The following LYPLA1 variants were observed in gnomAD, a reference collection of about 807,000 sequenced individuals.
The protein encoded by LYPLA1 is acyl-protein thioesterase 1.
LYPLA1 carries 17 observed loss-of-function variants against 34.0 expected under a neutral mutation model. That is an observed-to-expected ratio of 0.50 (90% CI 0.34 to 0.75). LYPLA1 has a LOEUF of 0.75. Ranked by LOEUF, LYPLA1 falls within the 30% of genes least tolerant of loss-of-function variation. The probability of loss-of-function intolerance (pLI) is 0.01; values close to 1 mark genes in which losing one functional copy is unlikely to be tolerated. For synonymous variants in LYPLA1, 98 were observed against 100.8 expected (o/e 0.97, Z 0.17); for missense variants, 203 against 288.8 (o/e 0.70, Z 2.15).
chr8:54,084,142 A>AAAAAATTTT (rs1491176522), intron 2 of LYPLA1, among the ~76,000 whole-genome samples: 24 of 93,850 alleles, frequency 2.6e-4, no homozygotes, highest in African/African-American at 3.3e-4. Flanking sequence ...AAATAAATAA[A>AAAAAATTTT]TATATATATA....
downstream of LYPLA1, among the ~76,000 whole-genome samples, chr8:54,045,865 A>G (rs1805462875): frequency 1.3e-5 from 2 of 152,228 alleles, no homozygotes; most frequent in African/African-American, 2.4e-5. Context: ...GTTGGAGACC[A>G]GCTTGGCCAA....
chr8:54,079,956 C>T (rs1444815054), intron 2 of LYPLA1, among the ~76,000 whole-genome samples: 2 of 152,024 alleles, frequency 1.3e-5, no homozygotes, highest in African/African-American at 4.8e-5. Context: ...CTAAGTATAT[C>T]GTTACTATAT....
At chr8:54,051,876 A>G (rs1351160685) in intron 7 of LYPLA1, among the ~76,000 whole-genome samples, 5 of 146,208 alleles carry the variant, frequency 3.4e-5, no homozygotes, top group African/African-American at 1.3e-4. Context: ...CCAAAGACAG[A>G]GTCTTGCTCT....
intron 6 of LYPLA1, chr8:54,053,679 T>G (rs1806004967): frequency 2.2e-6 from 1 of 456,150 alleles, no homozygotes; most frequent in African/African-American, 2.0e-5. Context: ...CTGTAACATG[T>G]AAATTCAAGA....
rs369924847 is a variant in LYPLA1, at chr8:54,086,592, G to A, written c.101+14316C>T. Among the ~76,000 whole-genome samples the A allele has an allele frequency of 8.1e-4, 113 of 139,690 alleles. 1 individual carries two copies. Among genetic ancestry groups the A allele is most frequent in the African/African-American group, 2.7e-3 (103 of 37,814 alleles). The allele number at this position is 139,690 out of a possible 152,430, so 91.6% of individuals were successfully genotyped here. A position where few individuals can be genotyped will look rare whatever the true frequency, so the allele number is the denominator to read the frequency against. ...AAAAAAAAAAAAGACAGCCAGGTGT[G>A]ATGGCTCACACTCGTAATCCAACAC... is the stretch of plus-strand genomic sequence containing the variant. On this transcript the variant is annotated intron_variant, in intron 2 of 8. Transcript: ENST00000316963.
In LYPLA1 at chr8:54,058,373, G is replaced by A. The variant is rs528144711; in HGVS notation, c.287-3240C>T. Among the ~76,000 whole-genome samples, 6 of 152,214 alleles carry A rather than the reference G, an allele frequency of 3.9e-5. No homozygotes were observed. The East Asian group carries it at 5.8e-4, about 15-fold the overall frequency. On this transcript the variant is annotated intron_variant, in intron 5 of 8. Coordinates refer to ENST00000316963, the MANE Select transcript of LYPLA1 (RefSeq NM_006330.4). ...AGCCTGGCCAACATGGTGAAACACC[G>A]TCTGTACTAAAAATACAAAACGTAG...
intron 2 of LYPLA1, among the ~76,000 whole-genome samples, chr8:54,084,996 TCCTCTTCCTCTC>T (rs1473210929): frequency 1.7e-5 from 2 of 119,914 alleles, no homozygotes; most frequent in African/African-American, 1.3e-4. Flanking sequence ...CTCCTCTCCC[TCCTCTTCCTCTC>T]CCTCTCCCTC....
rs1199051549 is a variant in LYPLA1, at chr8:54,091,588, G to A, written c.101+9320C>T. Among the ~76,000 whole-genome samples, 205 of 105,328 alleles carry A rather than the reference G, an allele frequency of 1.9e-3. 2 individuals carry two copies. Among genetic ancestry groups the A allele is most frequent in the South Asian group, 7.3e-3 (24 of 3,282 alleles). The allele number at this position is 105,328 out of a possible 152,430, so 69.1% of individuals were successfully genotyped here. ...GAAGGAAAGAAAGAAAGAAAAGGAA[G>A]GAAGGAAGGAAGGAAGGAAGGAAGG... On this transcript the variant is annotated intron_variant, in intron 2 of 8. Transcript: ENST00000316963.
At chr8:54,080,656 C>T (rs977586095) in intron 2 of LYPLA1, among the ~76,000 whole-genome samples, 4 of 152,114 alleles carry the variant, frequency 2.6e-5, no homozygotes, top group Admixed American at 1.3e-4. Flanking sequence ...GGGGTGATCT[C>T]GGTTCACTGC....
At chr8:54,046,303 T>G (rs1057473553), downstream of LYPLA1, 1 of 152,416 alleles carries the variant, frequency 6.6e-6, no homozygotes, top group African/African-American at 2.4e-5. Flanking sequence ...ATTGTTATTT[T>G]CCTCCATTGC....
chr8:54,073,316 G>T, intron 2 of LYPLA1: 1 of 865,592 alleles, frequency 1.2e-6, no homozygotes, highest in East Asian at 2.4e-5. Flanking sequence ...TTCTATGGAC[G>T]GAACTGTGAG....
intron 5 of LYPLA1, among the ~76,000 whole-genome samples, chr8:54,060,580 G>C (rs1010322561): frequency 6.6e-6 from 1 of 152,090 alleles, no homozygotes; most frequent in Non-Finnish European, 1.5e-5. Flanking sequence ...ACTTCACAGC[G>C]GTGTCAAATG....
At chr8:54,068,235 G>A (rs1807222159) in intron 2 of LYPLA1, among the ~76,000 whole-genome samples, 1 of 152,072 alleles carries the variant, frequency 6.6e-6, no homozygotes, top group South Asian at 2.1e-4. Flanking sequence ...CTATATAAAT[G>A]GAAGGATATC....
chr8:54,063,297 G>A (rs1294382928), intron 4 of LYPLA1, 31 bp downstream of exon 4: 2 of 1,314,888 alleles, frequency 1.5e-6, no homozygotes, highest in East Asian at 5.2e-5. Flanking sequence ...GTAATATAAT[G>A]TTCTTATTCA....
intron 2 of LYPLA1, among the ~76,000 whole-genome samples, chr8:54,083,210 G>A (rs1235704295): frequency 6.6e-6 from 1 of 152,118 alleles, no homozygotes; most frequent in Non-Finnish European, 1.5e-5. Context: ...AGATAAAGTA[G>A]GTTAAGACCA....
chr8:54,054,474 C>G (rs1297730643), intron 6 of LYPLA1: 2 of 151,996 alleles, frequency 1.3e-5, no homozygotes, highest in Non-Finnish European at 2.9e-5. Context: ...ATCCAAACAT[C>G]TCCCTAATTA....
intron 2 of LYPLA1, among the ~76,000 whole-genome samples, chr8:54,084,013 C>CTT (rs1472196728): frequency 6.6e-6 from 1 of 151,544 alleles, no homozygotes; most frequent in Non-Finnish European, 1.5e-5. Context: ...CAGTGAATGC[C>CTT]TGTAATCCCA....
intron 2 of LYPLA1, among the ~76,000 whole-genome samples, chr8:54,070,797 C>T (rs1029129004): frequency 6.6e-6 from 1 of 152,172 alleles, no homozygotes; most frequent in Non-Finnish European, 1.5e-5. Flanking sequence ...GAAGGAAGTA[C>T]TGACATGCTA....
chr8:54,093,209 G>T (rs546225896), intron 2 of LYPLA1, among the ~76,000 whole-genome samples: 1 of 152,206 alleles, frequency 6.6e-6, no homozygotes, highest in Non-Finnish European at 1.5e-5. Flanking sequence ...CCAGGGAAAG[G>T]TAGTGAGAAT....
Sources: gnomAD v4.1 joint callset for allele counts (sites outside exome capture counted in the v4.1 genomes callset) on GRCh38, gnomAD v4.1.1 for gene constraint, MANE v1.5 for transcripts, NCBI Gene and HGNC (gene_info 2026-07-23, HGNC 2026-07-21) for gene names.